The following FAM13B variants were observed in gnomAD, a reference collection of about 807,000 sequenced individuals.
FAM13B encodes protein FAM13B.
In FAM13B, 60 loss-of-function variants were observed where a neutral mutation model predicts 117.3. The observed-to-expected ratio is 0.51, with a 90% confidence interval of 0.42 to 0.63. The LOEUF (loss-of-function observed/expected upper bound fraction) is 0.63. FAM13B is among the 30% of genes least tolerant of loss of function. The pLI is 0.00. For missense variants in FAM13B, 972 were observed against 1,091.9 expected, an observed-to-expected ratio of 0.89 and a Z score of 1.55; for synonymous variants, 332 against 356.1, an observed-to-expected ratio of 0.93 and a Z score of 0.76.
At chr5:138,034,411 A>G (rs535850993), upstream of FAM13B, among the ~76,000 whole-genome samples, 130 of 152,368 alleles carry the variant, frequency 8.5e-4, no homozygotes, top group Non-Finnish European at 1.6e-3. Flanking sequence ...ACAAAGGCCC[A>G]TACTCTGATT....
chr5:138,014,538 TG>T (rs1278179067), intron 4 of FAM13B, among the ~76,000 whole-genome samples: 16 of 152,230 alleles, frequency 1.1e-4, no homozygotes, highest in Admixed American at 6.5e-5. Context: ...GTGGAAAAAC[TG>T]TCTTCCACAA....
intron 10 of FAM13B, among the ~76,000 whole-genome samples, chr5:137,981,402 A>G (rs1042567043): frequency 3.3e-5 from 5 of 152,126 alleles, no homozygotes; most frequent in African/African-American, 1.2e-4. Flanking sequence ...GAGTATGATC[A>G]TACCACTGCA....
In FAM13B at chr5:137,988,099, T is replaced by C. The variant is rs191786255; in HGVS notation, c.890+175A>G. 2.9e-3 allele frequency among the ~76,000 whole-genome samples: 444 copies of C among 152,350 alleles called. 1 individual carries two copies. The highest frequency in any genetic ancestry group is 4.8e-3 in the Non-Finnish European group (328 of 68,012). On this transcript the variant is annotated intron_variant, in intron 8 of 23. Transcript: ENST00000689681. ...GAAGAAAGCTCATCTTTATTTTGTATAGTAATGCAATGGGTTTCTTCTTCA... is the reference window on the plus strand; with the variant it reads ...GAAGAAAGCTCATCTTTATTTTGTACAGTAATGCAATGGGTTTCTTCTTCA...
chr5:138,010,981 T>A (rs1239765507), intron 6 of FAM13B, 27 bp downstream of exon 6: 55 of 1,061,612 alleles, frequency 5.2e-5, no homozygotes, highest in South Asian at 1.8e-4. Flanking sequence ...AAAAAAAAAA[T>A]TATCCCTCCA....
chr5:138,035,768 T>C (rs1460042993), upstream of FAM13B, among the ~76,000 whole-genome samples: 1 of 152,172 alleles, frequency 6.6e-6, no homozygotes, highest in African/African-American at 2.4e-5. Context: ...GCTTAACTAA[T>C]CATAACCAAA....
At chr5:137,980,917 T>A (rs968466425) in intron 10 of FAM13B, among the ~76,000 whole-genome samples, 1 of 151,660 alleles carries the variant, frequency 6.6e-6, no homozygotes, top group African/African-American at 2.4e-5. Context: ...CATAAAGTTT[T>A]TTTTTTTTCT....
At chr5:137,943,744 CA>C (rs61473240) in intron 20 of FAM13B, among the ~76,000 whole-genome samples, 21 of 148,948 alleles carry the variant, frequency 1.4e-4, no homozygotes, top group Non-Finnish European at 2.4e-4. Context: ...GACTCTGCCT[CA>C]AAAAAAAAAT....
At position 138,006,060 on chromosome 5, in the gene FAM13B, G is replaced by A. The variant is rs894650290; in HGVS notation, c.848+930C>T. On this transcript the variant is annotated intron_variant, in intron 7 of 23. Transcript: ENST00000689681. The stretch of plus-strand genomic sequence containing the variant: ...ACTACAGGCGCGCGCCACCATGCCC[G>A]GCTAATTTTTGTATTTTTAGTAGAG... Among the ~76,000 whole-genome samples the A allele has an allele frequency of 8.6e-4, 131 of 152,026 alleles. 2 individuals carry two copies. The highest frequency in any genetic ancestry group is 7.5e-3 in the South Asian group (36 of 4,814).
At chr5:137,985,713 C>T (rs78978159) in intron 9 of FAM13B, among the ~76,000 whole-genome samples, 6,189 of 152,274 alleles carry the variant, frequency 0.041, 157 homozygotes, top group Middle Eastern at 0.058. Context: ...ACACATCTGT[C>T]CTGATCAAAT....
chr5:138,040,690 C>T (rs542599727), intron 1 of FAM13B, among the ~76,000 whole-genome samples: 166 of 152,320 alleles, frequency 1.1e-3, no homozygotes, highest in African/African-American at 3.7e-3. Flanking sequence ...AAGACCAAAA[C>T]TTGCCATGCT....
intron 9 of FAM13B, 99 bp from the exon 10 acceptor site, chr5:137,985,488 C>A: frequency 8.3e-7 from 1 of 1,206,516 alleles, no homozygotes; most frequent in South Asian, 1.6e-5. Context: ...GAAACTTTTA[C>A]TTGTTAAAGA....
At chr5:138,025,253 C>T (rs543814720) in intron 1 of FAM13B, among the ~76,000 whole-genome samples, 2 of 146,666 alleles carry the variant, frequency 1.4e-5, no homozygotes, top group East Asian at 3.9e-4. Flanking sequence ...ACATCATATA[C>T]CTCACCATGA....
At chr5:138,008,322 G>A (rs556385873) in intron 6 of FAM13B, among the ~76,000 whole-genome samples, 8 of 152,112 alleles carry the variant, frequency 5.3e-5, no homozygotes, top group Non-Finnish European at 1.0e-4. Flanking sequence ...TGTGCTTGTA[G>A]TCCCAGCTAC....
chr5:138,038,922 G>A (rs1791382810), intron 1 of FAM13B, among the ~76,000 whole-genome samples: 1 of 152,082 alleles, frequency 6.6e-6, no homozygotes, highest in Non-Finnish European at 1.5e-5. Context: ...AAAATATTTT[G>A]GTGGAATAGA....
chr5:138,019,213 T>A, intron 2 of FAM13B, 67 bp from the exon 3 acceptor site: 1 of 1,384,080 alleles, frequency 7.2e-7, no homozygotes, highest in Non-Finnish European at 9.8e-7. Flanking sequence ...CTAGATACAT[T>A]AAAGAAAAAT....
intron 10 of FAM13B, among the ~76,000 whole-genome samples, chr5:137,966,780 T>C (rs1770101052): frequency 6.6e-6 from 1 of 152,116 alleles, no homozygotes; most frequent in Admixed American, 6.5e-5. Flanking sequence ...TGCTGGTGAA[T>C]GAATGAGAAA....
intron 9 of FAM13B, among the ~76,000 whole-genome samples, chr5:137,986,238 G>A (rs1291782002): frequency 2.6e-5 from 4 of 151,262 alleles, no homozygotes. Flanking sequence ...TGTACTATAT[G>A]GTATTCCAAA....
intron 10 of FAM13B, among the ~76,000 whole-genome samples, chr5:137,980,271 CTT>C (rs1292261659): frequency 6.6e-6 from 1 of 151,608 alleles, no homozygotes; most frequent in Admixed American, 6.6e-5. Context: ...ACTGAACTAA[CTT>C]ATTCAAATAA....
At chr5:137,952,285 C>G (rs1334839281) in intron 17 of FAM13B, among the ~76,000 whole-genome samples, 1 of 152,038 alleles carries the variant, frequency 6.6e-6, no homozygotes, top group Non-Finnish European at 1.5e-5. Context: ...AATGAAATAT[C>G]CAACAAAACT....
Sources: gnomAD v4.1 joint callset for allele counts (sites outside exome capture counted in the v4.1 genomes callset) on GRCh38, gnomAD v4.1.1 for gene constraint, MANE v1.5 for transcripts, NCBI Gene and HGNC (gene_info 2026-07-23, HGNC 2026-07-21) for gene names.